PTPRD: variants seen among roughly 807,000 people sequenced by gnomAD.
The protein encoded by PTPRD is protein tyrosine phosphatase receptor type D.
Under a neutral mutation model 214.5 loss-of-function variants are expected in PTPRD, and 34 were observed. The observed-to-expected ratio is 0.16, with a 90% CI of 0.12 to 0.21. The LOEUF (loss-of-function observed/expected upper bound fraction) is 0.21, where lower values mean the gene tolerates loss of function less well. Ranked by LOEUF, PTPRD falls within the 10% of genes least tolerant of loss-of-function variation. The pLI is 1.00. For synonymous variants in PTPRD, 1,128 were observed against 845.7 expected (o/e 1.33, Z -5.79); for missense variants, 2,545 against 2,398.7 (o/e 1.06, Z -1.27).
At chr9:8,866,244 T>C (rs543837496) in intron 11 of PTPRD, among the ~76,000 whole-genome samples, 59 of 152,312 alleles carry the variant, frequency 3.9e-4, no homozygotes, top group Non-Finnish European at 7.6e-4. Flanking sequence ...AGTCTATTCA[T>C]GTTAGTGCTT....
intron 3 of PTPRD, among the ~76,000 whole-genome samples, chr9:10,259,219 T>A (rs1320804797): frequency 6.6e-6 from 1 of 152,094 alleles, no homozygotes; most frequent in East Asian, 1.9e-4. Flanking sequence ...AGAGAAGGGG[T>A]TTCACCGTGT....
intron 14 of PTPRD, among the ~76,000 whole-genome samples, chr9:8,628,040 G>C (rs956176557): frequency 6.6e-6 from 1 of 151,824 alleles, no homozygotes; most frequent in Non-Finnish European, 1.5e-5. Flanking sequence ...CAGCACGTTT[G>C]TTCTGTGTTG....
At chr9:10,044,770 C>T (rs1175374852) in intron 3 of PTPRD, among the ~76,000 whole-genome samples, 3 of 151,630 alleles carry the variant, frequency 2.0e-5, no homozygotes, top group Non-Finnish European at 4.4e-5. Context: ...ATTATAATCA[C>T]ACAGCAGCAC....
chr9:9,312,216 G>T (rs62532880), intron 9 of PTPRD, among the ~76,000 whole-genome samples: 1,657 of 152,206 alleles, frequency 0.011, 13 homozygotes, highest in South Asian at 0.022. Flanking sequence ...TTTAAAAATT[G>T]CAGGAACTGA....
chr9:9,422,864 A>G (rs2079324248), intron 8 of PTPRD, among the ~76,000 whole-genome samples: 1 of 152,140 alleles, frequency 6.6e-6, no homozygotes, highest in Admixed American at 6.5e-5. Flanking sequence ...TAAACAAACA[A>G]GGAGCTGAAA....
At chr9:9,632,358 T>A (rs888651806) in intron 7 of PTPRD, among the ~76,000 whole-genome samples, 13 of 143,290 alleles carry the variant, frequency 9.1e-5, no homozygotes, top group Admixed American at 5.4e-4. Flanking sequence ...ATGTCCAGAA[T>A]AGGCAAATCT....
At chr9:9,748,516 G>A (rs1310193480) in intron 6 of PTPRD, among the ~76,000 whole-genome samples, 4 of 152,140 alleles carry the variant, frequency 2.6e-5, no homozygotes, top group African/African-American at 9.7e-5. Flanking sequence ...ACAACACATC[G>A]TAAGGGATAC....
Position 9,392,261 on chromosome 9 carries a change from T to C in PTPRD, c.-203+5188A>G, listed in dbSNP as rs370787741. 1.1e-4 allele frequency among the ~76,000 whole-genome samples: 17 copies of C among 152,288 alleles called. 1 individual carries two copies. In the South Asian group the frequency reaches 3.3e-3, roughly 30 times the overall value. Reference sequence around the variant, plus strand: ...AGTAAGTGGGATGTTTGTTTTGTAGTTAAGTCATCCTGACAGGCCCATTGG... The same window carrying C: ...AGTAAGTGGGATGTTTGTTTTGTAGCTAAGTCATCCTGACAGGCCCATTGG... On this transcript the variant is annotated intron_variant, in intron 9 of 45. Coordinates refer to ENST00000381196, the MANE Select transcript of PTPRD (RefSeq NM_002839.4).
At chr9:10,468,368 G>A (rs1379561618) in intron 2 of PTPRD, among the ~76,000 whole-genome samples, 2 of 152,098 alleles carry the variant, frequency 1.3e-5, no homozygotes, top group Non-Finnish European at 2.9e-5. Flanking sequence ...GATCAAGCTG[G>A]AAACCATCAT....
chr9:8,333,254 C>T (rs1843237711), intron 43 of PTPRD, among the ~76,000 whole-genome samples: 1 of 152,108 alleles, frequency 6.6e-6, no homozygotes, highest in South Asian at 2.1e-4. Context: ...GAAGGAGACC[C>T]AGAAGCTAGG....
chr9:10,608,364 A>G (rs1470884723), intron 2 of PTPRD, among the ~76,000 whole-genome samples: 1 of 151,932 alleles, frequency 6.6e-6, no homozygotes, highest in African/African-American at 2.4e-5. Flanking sequence ...ACTTGAGTCC[A>G]CCTCTTCCCT....
chr9:9,952,080 A>G (rs2093507187), intron 4 of PTPRD, among the ~76,000 whole-genome samples: 1 of 152,166 alleles, frequency 6.6e-6, no homozygotes, highest in African/African-American at 2.4e-5. Flanking sequence ...GGATGGTAGT[A>G]AAATTAGAAT....
At chr9:9,122,929 ATT>A (rs2099818991) in intron 10 of PTPRD, among the ~76,000 whole-genome samples, 1 of 152,222 alleles carries the variant, frequency 6.6e-6, no homozygotes, top group South Asian at 2.1e-4. Flanking sequence ...CAGTTACACC[ATT>A]TATTTAAAAA....
At chr9:9,222,495 TAG>T (rs1001324508) in intron 9 of PTPRD, among the ~76,000 whole-genome samples, 34 of 152,074 alleles carry the variant, frequency 2.2e-4, no homozygotes, top group African/African-American at 7.0e-4. Flanking sequence ...GTCAAAAATG[TAG>T]AGTTATGCCC....
At chr9:8,623,870 T>C (rs888935910) in intron 14 of PTPRD, among the ~76,000 whole-genome samples, 1 of 152,002 alleles carries the variant, frequency 6.6e-6, no homozygotes, top group Non-Finnish European at 1.5e-5. Context: ...TACACCAAGG[T>C]TGGTAACAGA....
intron 3 of PTPRD, among the ~76,000 whole-genome samples, chr9:10,175,808 T>C (rs1368408491): frequency 6.6e-6 from 1 of 151,976 alleles, no homozygotes; most frequent in Non-Finnish European, 1.5e-5. Flanking sequence ...AGTAATGTTA[T>C]ACTCAACACA....
At chr9:10,388,216 T>C (rs1004491707) in intron 2 of PTPRD, among the ~76,000 whole-genome samples, 1 of 151,820 alleles carries the variant, frequency 6.6e-6, no homozygotes, top group Admixed American at 6.6e-5. Context: ...GGTAAGGAAA[T>C]AGGAAGATAA....
chr9:9,448,244 T>C (rs1303073647), intron 8 of PTPRD, among the ~76,000 whole-genome samples: 1 of 152,110 alleles, frequency 6.6e-6, no homozygotes, highest in Non-Finnish European at 1.5e-5. Flanking sequence ...AACACTCTGA[T>C]ACGGTTTGGC....
chr9:8,409,290 G>A (rs954287985), intron 35 of PTPRD, among the ~76,000 whole-genome samples: 5 of 152,124 alleles, frequency 3.3e-5, no homozygotes, highest in Non-Finnish European at 7.4e-5. Flanking sequence ...AGCTAGCAGG[G>A]AGAGAGGCCA....
Sources: gnomAD v4.1 joint callset for allele counts (sites outside exome capture counted in the v4.1 genomes callset) on GRCh38, gnomAD v4.1.1 for gene constraint, MANE v1.5 for transcripts, NCBI Gene and HGNC (gene_info 2026-07-23, HGNC 2026-07-21) for gene names.